Variants in SNTG1 observed in about 807,000 individuals in gnomAD.
SNTG1 encodes gamma-1-syntrophin.
SNTG1 carries 39 observed loss-of-function variants against 74.7 expected under a neutral mutation model. The observed-to-expected ratio is 0.52, with a 90% confidence interval of 0.40 to 0.68. The LOEUF (loss-of-function observed/expected upper bound fraction) is 0.68, where lower values mean the gene tolerates loss of function less well. Among genes scored for constraint, SNTG1 ranks in the 30% least tolerant of loss-of-function variants. The pLI, the probability that SNTG1 is intolerant of heterozygous loss-of-function variation, is 0.00. For missense variants in SNTG1, 685 were observed against 609.5 expected, an observed-to-expected ratio of 1.12 and a Z score of -1.30; for synonymous variants, 254 against 217.1, an observed-to-expected ratio of 1.17 and a Z score of -1.49.
At chr8:50,210,004 T>A (rs1159586212) in intron 2 of SNTG1, among the ~76,000 whole-genome samples, 3 of 152,144 alleles carry the variant, frequency 2.0e-5, no homozygotes, top group Admixed American at 6.5e-5. Context: ...AATGGCTAAC[T>A]AGAATAAACA....
intron 1 of SNTG1, among the ~76,000 whole-genome samples, chr8:49,994,557 G>A (rs1814019729): frequency 6.6e-6 from 1 of 151,760 alleles, no homozygotes; most frequent in East Asian, 1.9e-4. Context: ...GAGCCACCGT[G>A]CCTGGCCAAG....
chr8:50,505,819 G>A (rs2129785427), intron 9 of SNTG1, among the ~76,000 whole-genome samples: 1 of 152,128 alleles, frequency 6.6e-6, no homozygotes, highest in East Asian at 1.9e-4. Flanking sequence ...GTTTCACTCT[G>A]TTGATCATTT....
At chr8:50,152,447 A>T (rs2082102326) in intron 1 of SNTG1, among the ~76,000 whole-genome samples, 2 of 152,156 alleles carry the variant, frequency 1.3e-5, no homozygotes, top group African/African-American at 4.8e-5. Flanking sequence ...TGATCCTGTC[A>T]TTATATGTTA....
intron 2 of SNTG1, among the ~76,000 whole-genome samples, chr8:50,290,127 C>T (rs528526792): frequency 6.6e-6 from 1 of 152,286 alleles, no homozygotes; most frequent in African/African-American, 2.4e-5. Flanking sequence ...CTCTCTATCC[C>T]ACACAGGGCT....
At chr8:50,100,260 G>A (rs1311018277) in intron 1 of SNTG1, among the ~76,000 whole-genome samples, 3 of 152,024 alleles carry the variant, frequency 2.0e-5, no homozygotes, top group African/African-American at 7.2e-5. Context: ...GTGGTTACTA[G>A]AGGTTGTGAA....
intron 1 of SNTG1, among the ~76,000 whole-genome samples, chr8:49,927,554 A>G (rs950552130): frequency 1.3e-5 from 2 of 152,330 alleles, no homozygotes; most frequent in South Asian, 2.1e-4. Flanking sequence ...ACTAAGTGAA[A>G]GAAGCTAACC....
intron 2 of SNTG1, among the ~76,000 whole-genome samples, chr8:50,290,254 A>G (rs569429112): frequency 6.6e-6 from 1 of 152,264 alleles, no homozygotes; most frequent in South Asian, 2.1e-4. Context: ...AAAACAAGCC[A>G]CTTGATGTGC....
chr8:50,435,071 C>A (rs1052591812), intron 4 of SNTG1, among the ~76,000 whole-genome samples: 1 of 151,824 alleles, frequency 6.6e-6, no homozygotes, highest in African/African-American at 2.4e-5. Flanking sequence ...ATATAATATT[C>A]CAAAAAGCAG....
At chr8:49,973,767 G>A (rs929757248) in intron 1 of SNTG1, among the ~76,000 whole-genome samples, 1 of 152,078 alleles carries the variant, frequency 6.6e-6, no homozygotes, top group African/African-American at 2.4e-5. Context: ...GTCAAGAAAG[G>A]AATATTTGGA....
chr8:50,198,157 C>G (rs149277347), intron 2 of SNTG1, among the ~76,000 whole-genome samples: 269 of 152,224 alleles, frequency 1.8e-3, no homozygotes, highest in South Asian at 2.9e-3. Flanking sequence ...CGCCCCTCAG[C>G]AGGTGCATCC....
rs536210725 is a variant in SNTG1, at chr8:50,131,817, C to A, written c.-102-40744C>A. Among the ~76,000 whole-genome samples, 13 of 151,964 alleles carry A rather than the reference C, an allele frequency of 8.6e-5. 1 individual carries two copies. The highest frequency in any genetic ancestry group is 2.9e-4 in the African/African-American group (12 of 41,462). On this transcript the variant is annotated intron_variant, in intron 1 of 18. Coordinates refer to ENST00000642720, the MANE Select transcript of SNTG1 (RefSeq NM_018967.5). ...TACGTTTCCCACCAACAAGGATGTCCCTCTCTTCACATCCTTCCCAACACT... is the reference window on the plus strand; with the variant it reads ...TACGTTTCCCACCAACAAGGATGTCACTCTCTTCACATCCTTCCCAACACT...
rs201187322 is a variant in SNTG1 at position 50,774,114 on chromosome 8, A to AG, written c.1396-18556dup. On this transcript the variant is annotated intron_variant, in intron 18 of 18. Coordinates refer to ENST00000642720, the MANE Select transcript of SNTG1 (RefSeq NM_018967.5). ...AAATATAAATGAAGAAAAATAGCAG[A>AG]GTCTCAGAAGTCTCTATAACAGCAT... 3.7e-4 allele frequency among the ~76,000 whole-genome samples: 56 copies of AG among 152,108 alleles called. 1 individual carries two copies. Among genetic ancestry groups the AG allele is most frequent in the East Asian group, 2.5e-3 (13 of 5,164 alleles).
intron 2 of SNTG1, among the ~76,000 whole-genome samples, chr8:50,199,594 T>A (rs2083909734): frequency 6.6e-6 from 1 of 152,090 alleles, no homozygotes; most frequent in Admixed American, 6.6e-5. Flanking sequence ...TTGAAGCAAT[T>A]CTGAGAAATA....
At chr8:50,751,805 A>G (rs2095568044) in intron 17 of SNTG1, among the ~76,000 whole-genome samples, 196 bp from the exon 18 acceptor site, 1 of 152,064 alleles carries the variant, frequency 6.6e-6, no homozygotes, top group Admixed American at 6.6e-5. Flanking sequence ...TGGATAAAAT[A>G]TTTCTGAAAA....
At chr8:50,141,827 AG>A (rs1242438452) in intron 1 of SNTG1, among the ~76,000 whole-genome samples, 1 of 152,152 alleles carries the variant, frequency 6.6e-6, no homozygotes, top group Non-Finnish European at 1.5e-5. Context: ...GATTCAGTTA[AG>A]GTTTCATAAT....
intron 15 of SNTG1, among the ~76,000 whole-genome samples, chr8:50,696,896 A>G (rs1190309154): frequency 2.0e-5 from 3 of 151,708 alleles, no homozygotes; most frequent in African/African-American, 4.8e-5. Context: ...CAGCTTTGTT[A>G]TTTTTGTTTA....
intron 12 of SNTG1, among the ~76,000 whole-genome samples, chr8:50,566,378 T>C (rs1202791237): frequency 6.6e-6 from 1 of 152,012 alleles, no homozygotes. Flanking sequence ...AGCAGAATAC[T>C]AACCATGACA....
intron 1 of SNTG1, among the ~76,000 whole-genome samples, chr8:50,071,566 C>T (rs1821371263): frequency 1.3e-5 from 2 of 152,072 alleles, no homozygotes; most frequent in South Asian, 4.1e-4. Flanking sequence ...GAAACCTCCA[C>T]TTCCCAGGTT....
intron 17 of SNTG1, among the ~76,000 whole-genome samples, chr8:50,751,249 T>G (rs1394139076): frequency 6.6e-6 from 1 of 152,066 alleles, no homozygotes; most frequent in Non-Finnish European, 1.5e-5. Context: ...TTTATATCTT[T>G]GGTGTTTTAC....
Sources: gnomAD v4.1 joint callset for allele counts (sites outside exome capture counted in the v4.1 genomes callset) on GRCh38, gnomAD v4.1.1 for gene constraint, MANE v1.5 for transcripts, NCBI Gene and HGNC (gene_info 2026-07-23, HGNC 2026-07-21) for gene names.